NBEAL1: variants seen among roughly 807,000 people sequenced by gnomAD.
The protein encoded by NBEAL1 is neurobeachin like 1, also known as neurobeachin-like protein 1.
In NBEAL1, 273 loss-of-function variants were observed where a neutral mutation model predicts 351.3. The ratio of observed to expected loss-of-function variants is 0.78; its 90% CI spans 0.70 to 0.86. The LOEUF is 0.86. Ranked by LOEUF, NBEAL1 falls within the 40% of genes least tolerant of loss-of-function variation. The pLI, the probability that NBEAL1 is intolerant of heterozygous loss-of-function variation, is 0.00. For missense variants in NBEAL1, 2,961 were observed against 3,201.3 expected (o/e 0.92, Z 1.81); for synonymous variants, 1,050 against 1,086.4 (o/e 0.97, Z 0.66).
rs2060729470 is a variant in NBEAL1, at chr2:203,019,268, G to A, written c.51+2833G>A. Among the ~76,000 whole-genome samples the A allele has an allele frequency of 3.3e-5, 5 of 152,242 alleles. No homozygotes were observed. In the South Asian group the frequency reaches 1.0e-3, roughly 32 times the overall value. On this transcript the variant is annotated intron_variant, in intron 2 of 55. Transcript: ENST00000683969. ...GGCCATCTGTGATTTTTGCCTATAT[G>A]TGTTATTTTATTAGGATTTTGCAAA...
intron 7 of NBEAL1, chr2:203,074,931 G>A (rs2061745289): frequency 6.5e-6 from 1 of 152,708 alleles, no homozygotes; most frequent in Non-Finnish European, 1.5e-5. Context: ...TGGCATAGTA[G>A]TCAAGTTTGT....
chr2:203,195,139 A>G (rs946146198), intron 47 of NBEAL1, among the ~76,000 whole-genome samples: 2 of 151,834 alleles, frequency 1.3e-5, no homozygotes, highest in Middle Eastern at 3.4e-3. Flanking sequence ...GCTTGCAGTG[A>G]GCCGAGATCA....
At chr2:203,058,262 G>C (rs1048795480) in intron 6 of NBEAL1, among the ~76,000 whole-genome samples, 2 of 152,146 alleles carry the variant, frequency 1.3e-5, no homozygotes, top group South Asian at 2.1e-4. Context: ...GAATTCCTAG[G>C]CTCAAGTAAT....
chr2:203,078,676 G>A (rs1007135631), intron 8 of NBEAL1, among the ~76,000 whole-genome samples: 2 of 152,120 alleles, frequency 1.3e-5, no homozygotes, highest in African/African-American at 4.8e-5. Flanking sequence ...TCTAGTTGAC[G>A]AAAGGATTAT....
intron 12 of NBEAL1, among the ~76,000 whole-genome samples, chr2:203,101,486 T>G (rs965581207): frequency 5.9e-5 from 9 of 152,218 alleles, no homozygotes; most frequent in African/African-American, 1.9e-4. Context: ...ATTCAGGCTC[T>G]TTTTTGGTTC....
rs956131798 is a variant in NBEAL1, at chr2:203,193,723, G to A, written c.6922-72G>A. 2.6e-5 allele frequency: 26 copies of A among 981,298 alleles called. No homozygotes were observed. In the East Asian group the frequency reaches 4.1e-4, roughly 16 times the overall value. The allele number at this position is 981,298 out of a possible 1,614,324, so 60.8% of individuals were successfully genotyped here. ...TAATTCATTGTAGCTAGAGCCTAGT[G>A]TATATGAAGGAACATAGTGAGAGAT... On this transcript the variant is annotated intron_variant, in intron 46 of 55. Transcript: ENST00000683969.
chr2:203,028,831 T>G (rs533047992), intron 2 of NBEAL1, among the ~76,000 whole-genome samples: 11 of 152,148 alleles, frequency 7.2e-5, no homozygotes, highest in Non-Finnish European at 1.6e-4. Context: ...ATAAATTGTA[T>G]TTTTAGAGCA....
At chr2:203,192,024 G>C (rs1435539667) in intron 46 of NBEAL1, among the ~76,000 whole-genome samples, 1 of 152,192 alleles carries the variant, frequency 6.6e-6, no homozygotes, top group African/African-American at 2.4e-5. Flanking sequence ...TACAACAGTA[G>C]TGTATCTAAG....
At chr2:203,198,006 T>TA (rs200625518) in intron 48 of NBEAL1, among the ~76,000 whole-genome samples, 126 of 143,074 alleles carry the variant, frequency 8.8e-4, no homozygotes, top group African/African-American at 2.6e-3. Flanking sequence ...TATATATATA[T>TA]TTTTTTTTCT....
chr2:203,211,854 G>A (rs1458812589), intron 54 of NBEAL1, among the ~76,000 whole-genome samples: 1 of 152,024 alleles, frequency 6.6e-6, no homozygotes, highest in Non-Finnish European at 1.5e-5. Context: ...ATCTAGTGAA[G>A]GAGAGAGATA....
chr2:203,047,384 A>T (rs1044724580), intron 3 of NBEAL1, among the ~76,000 whole-genome samples: 2 of 152,210 alleles, frequency 1.3e-5, no homozygotes, highest in Admixed American at 6.5e-5. Flanking sequence ...GTTTTATTAA[A>T]ATATTAACAG....
Position 203,016,253 on chromosome 2 carries a change from A to T in NBEAL1, c.-132A>T. 2.0e-6 allele frequency: 1 copy of T among 506,342 alleles called. No individual in the cohort carries two copies. Among genetic ancestry groups the T allele is most frequent in the Non-Finnish European group, 3.3e-6 (1 of 300,378 alleles). The allele number at this position is 506,342 out of a possible 1,614,324, so 31.4% of individuals were successfully genotyped here. A position where few individuals can be genotyped will look rare whatever the true frequency, so the allele number is the denominator to read the frequency against. ...AACCAGAGGACAGTCCATTTGTTTC[A>T]CTTCTTTTTGCTTTCTTTACTGCTA... On this transcript the variant is annotated 5_prime_UTR_variant, in exon 2 of 56. Transcript: ENST00000683969.
intron 12 of NBEAL1, among the ~76,000 whole-genome samples, chr2:203,105,262 A>T (rs1184409967): frequency 1.3e-5 from 2 of 151,928 alleles, no homozygotes; most frequent in African/African-American, 4.8e-5. Context: ...GGAGATCGAG[A>T]CCATCGTGGC....
chr2:203,164,206 T>A (rs1052603332), intron 36 of NBEAL1, among the ~76,000 whole-genome samples: 1 of 151,890 alleles, frequency 6.6e-6, no homozygotes, highest in African/African-American at 2.4e-5. Context: ...AAAAAAAGAT[T>A]GCACCACTGC....
chr2:203,116,069 A>C lies in NBEAL1; in HGVS notation c.2591A>C (p.Lys864Thr). 6.4e-7 allele frequency: 1 copy of C among 1,550,746 alleles called. No individual in the cohort carries two copies. Among genetic ancestry groups the C allele is most frequent in the African/African-American group, 1.4e-5 (1 of 73,312 alleles). ...AACATCCTTCTTTACTACACAGCAAAGGTCAGAGTAAATTTGTGAACTGTC... is the reference window on the plus strand; with the variant it reads ...AACATCCTTCTTTACTACACAGCAACGGTCAGAGTAAATTTGTGAACTGTC... ...PGNILLYYTA[K>T]ACKNSICLDL... Residue 864 changes from lysine (K) to threonine (T), a missense_variant and splice_region_variant, in exon 18 of 56, where the codon AAG becomes ACG. By Grantham distance (78) the Lys-to-Thr change is moderately conservative. Transcript: ENST00000683969.
rs1221723757 is a variant in NBEAL1, at chr2:203,084,536, T to G, written c.1065T>G (p.Phe355Leu). Residue 355 changes from phenylalanine to leucine, a missense_variant, in exon 10 of 56, where the codon TTT (phenylalanine) becomes TTG (leucine). Transcript: ENST00000683969. Reference sequence around the variant, plus strand: ...CCATTTTTCTTAACAGCAATTGCTTTGAACATCTCATACGACTGCTACAGA... The same window carrying G: ...CCATTTTTCTTAACAGCAATTGCTTGGAACATCTCATACGACTGCTACAGA... ...LQAIFLNSNC[F>L]EHLIRLLQNC... 6.5e-7 allele frequency: 1 copy of G among 1,543,700 alleles called. No individual in the cohort carries two copies. The highest frequency in any genetic ancestry group is 8.8e-7 in the Non-Finnish European group (1 of 1,142,778).
At chr2:203,069,139 A>C (rs1159700189) in intron 7 of NBEAL1, among the ~76,000 whole-genome samples, 1 of 152,236 alleles carries the variant, frequency 6.6e-6, no homozygotes, top group Non-Finnish European at 1.5e-5. Context: ...AATATAGTAT[A>C]ATTTGCAGAC....
intron 44 of NBEAL1, among the ~76,000 whole-genome samples, chr2:203,183,936 G>T (rs1320243823): frequency 2.6e-5 from 4 of 151,966 alleles, no homozygotes; most frequent in Non-Finnish European, 1.5e-5. Flanking sequence ...AAATTAGCCA[G>T]GCGTGGTGGC....
At position 203,172,004 on chromosome 2, in the gene NBEAL1, A is replaced by AC. The variant is rs745700530; in HGVS notation, c.6181dup (p.Leu2061ProfsTer22). 1 of 1,597,096 alleles carries AC rather than the reference A, an allele frequency of 6.3e-7. No homozygotes were observed. The highest frequency in any genetic ancestry group is 1.1e-5 in the South Asian group (1 of 87,236). The stretch of plus-strand genomic sequence containing the variant: ...ACAATGGCAGGACGAACCTATAATG[A>AC]CCTTGCACAGTATCCTGTGGTAAGT... On this transcript the variant is annotated frameshift_variant, in exon 40 of 56. Transcript: ENST00000683969. LOFTEE classifies it high-confidence loss of function.
Sources: allele counts gnomAD v4.1 joint callset (sites outside exome capture counted in the v4.1 genomes callset), GRCh38; gene constraint gnomAD v4.1.1; transcripts MANE v1.5; gene names NCBI Gene and HGNC (gene_info 2026-07-23, HGNC 2026-07-21).